The following BTRC variants were observed in gnomAD, a reference collection of about 807,000 sequenced individuals.
BTRC encodes the protein F-box/WD repeat-containing protein 1A.
BTRC carries 42 observed loss-of-function variants against 85.5 expected under a neutral mutation model. That is an observed-to-expected ratio of 0.49 (90% confidence interval 0.38 to 0.64). BTRC has a LOEUF of 0.64. BTRC is among the 30% of genes least tolerant of loss of function. The pLI is 0.00. For missense variants in BTRC, 594 were observed against 743.5 expected, an observed-to-expected ratio of 0.80 and a Z score of 2.34; for synonymous variants, 255 against 263.3, an observed-to-expected ratio of 0.97 and a Z score of 0.30.
chr10:101,550,815 AC>A lies in BTRC; in HGVS notation c.1780del (p.Arg594ValfsTer14), dbSNP rs774921343. ...TAAATGATCCAGCTGCCCAAGCTGA[AC>A]CCCCCCGTTCCCCTTCTCGAACATA... ...FLNDPAAQAE[P>X]PRSPSRTYTY... On this transcript the variant is annotated frameshift_variant, in exon 14 of 15. Coordinates refer to ENST00000370187, the MANE Select transcript of BTRC (RefSeq NM_033637.4). LOFTEE classifies it high-confidence loss of function. 6.8e-6 allele frequency: 11 copies of A among 1,613,628 alleles called. No individual in the cohort carries two copies. Among genetic ancestry groups the A allele is most frequent in the South Asian group, 5.5e-5 (5 of 91,038 alleles).
intron 1 of BTRC, among the ~76,000 whole-genome samples, chr10:101,396,142 G>C (rs1303318312): frequency 6.6e-6 from 1 of 151,288 alleles, no homozygotes; most frequent in Non-Finnish European, 1.5e-5. Flanking sequence ...GTACAACAAA[G>C]AGTCATAACA....
intron 1 of BTRC, among the ~76,000 whole-genome samples, chr10:101,385,615 C>CTTTTTTTTTTTTTTTTTTTTTT (rs146804594): frequency 2.0e-4 from 10 of 48,900 alleles, no homozygotes; most frequent in East Asian, 7.8e-4. Flanking sequence ...CTTTCTTCTT[C>CTTTTTTTTTTTTTTTTTTTTTT]TTCTTTTTTT....
chr10:101,433,957 GA>G (rs901330501), intron 2 of BTRC, among the ~76,000 whole-genome samples: 31 of 149,922 alleles, frequency 2.1e-4, no homozygotes, highest in Middle Eastern at 3.4e-3. Flanking sequence ...TAGGAATTAA[GA>G]AAAAAAAATT....
chr10:101,399,250 T>C (rs939427959), intron 1 of BTRC, among the ~76,000 whole-genome samples: 1 of 151,184 alleles, frequency 6.6e-6, no homozygotes, highest in Non-Finnish European at 1.5e-5. Flanking sequence ...CCATCATGCC[T>C]ATCCAGAAAC....
At chr10:101,490,199 T>G (rs1418385975) in intron 4 of BTRC, among the ~76,000 whole-genome samples, 7 of 151,872 alleles carry the variant, frequency 4.6e-5, no homozygotes, top group Admixed American at 4.6e-4. Context: ...TTCCCTTCCT[T>G]CCTCCCTTCT....
chr10:101,496,648 T>G (rs1279445076), intron 4 of BTRC, among the ~76,000 whole-genome samples: 4 of 152,186 alleles, frequency 2.6e-5, no homozygotes, highest in Non-Finnish European at 5.9e-5. Flanking sequence ...TAGCTTTAAG[T>G]GTATTCACAT....
intron 13 of BTRC, among the ~76,000 whole-genome samples, chr10:101,546,270 C>T (rs1214944189): frequency 2.0e-5 from 3 of 148,012 alleles, no homozygotes; most frequent in Non-Finnish European, 4.4e-5. Flanking sequence ...AATCATACAG[C>T]ATATGCTCTC....
At chr10:101,478,772 A>T (rs1945757564) in intron 3 of BTRC, among the ~76,000 whole-genome samples, 1 of 141,698 alleles carries the variant, frequency 7.1e-6, no homozygotes, top group Non-Finnish European at 1.6e-5. Context: ...ACAGAGTAAG[A>T]CCCTATCTCA....
chr10:101,522,804 CTGAGGTGTTACCTGGTGTAAGA>C (rs1329420934), intron 5 of BTRC, among the ~76,000 whole-genome samples: 24 of 152,126 alleles, frequency 1.6e-4, no homozygotes, highest in Admixed American at 1.3e-4. Flanking sequence ...AAAATCTTTT[CTGAGGTGTTACCTGGTGTAAGA>C]TGTGTCTTTT....
chr10:101,375,907 A>G (rs1942778489), intron 1 of BTRC, among the ~76,000 whole-genome samples: 1 of 152,166 alleles, frequency 6.6e-6, no homozygotes, highest in Non-Finnish European at 1.5e-5. Context: ...TATCTAGTCC[A>G]CTGTGTGCTG....
chr10:101,430,923 T>TA (rs1944385441), intron 2 of BTRC, among the ~76,000 whole-genome samples: 1 of 152,110 alleles, frequency 6.6e-6, no homozygotes, highest in Admixed American at 6.6e-5. Context: ...TAAGTATATA[T>TA]TTTTTATAAC....
intron 2 of BTRC, among the ~76,000 whole-genome samples, chr10:101,431,935 C>T (rs1209504639): frequency 6.6e-6 from 1 of 152,094 alleles, no homozygotes; most frequent in African/African-American, 2.4e-5. Context: ...TTAGCTAAAT[C>T]AAGTCTTGAA....
At position 101,479,433 on chromosome 10, in the gene BTRC, G is replaced by GAA; in HGVS notation, c.301_302dup (p.Thr102ArgfsTer18). 6.2e-7 allele frequency: 1 copy of GAA among 1,613,194 alleles called. No homozygotes were observed. The highest frequency in any genetic ancestry group is 8.5e-7 in the Non-Finnish European group (1 of 1,179,374). ...CAGTATGTTTAGCAAGCACTGCTATGAAGACTGAGAATTGTGTGGCCAAAG... is the reference window on the plus strand; with the variant it reads ...CAGTATGTTTAGCAAGCACTGCTATGAAAAGACTGAGAATTGTGTGGCCAAAG... On this transcript the variant is annotated frameshift_variant, in exon 4 of 15. Transcript: ENST00000370187. LOFTEE classifies it high-confidence loss of function.
intron 2 of BTRC, among the ~76,000 whole-genome samples, chr10:101,441,879 CAAAAAAAAAA>C (rs35543012): frequency 5.8e-5 from 5 of 85,746 alleles, no homozygotes; most frequent in Admixed American, 1.6e-4. Context: ...GAGACTGTCT[CAAAAAAAAAA>C]AAAAAAAAAA....
chr10:101,414,532 C>A, intron 1 of BTRC: 1 of 407,608 alleles, frequency 2.5e-6, no homozygotes, highest in Non-Finnish European at 4.8e-6. Flanking sequence ...GAGTGGGCTA[C>A]TTCTACTTAT....
chr10:101,549,666 A>G (rs2062616664), intron 13 of BTRC, among the ~76,000 whole-genome samples: 1 of 137,458 alleles, frequency 7.3e-6, no homozygotes, highest in South Asian at 2.6e-4. Context: ...GTGAGCTGAG[A>G]TGGCACCACT....
intron 2 of BTRC, among the ~76,000 whole-genome samples, chr10:101,438,558 G>C (rs1192819498): frequency 6.7e-6 from 1 of 150,200 alleles, no homozygotes. Context: ...AAACTTTTGT[G>C]TATGAATTTC....
At chr10:101,427,640 A>C (rs573064355) in intron 1 of BTRC, among the ~76,000 whole-genome samples, 174 of 151,106 alleles carry the variant, frequency 1.2e-3, no homozygotes, top group African/African-American at 4.0e-3. Flanking sequence ...CAGTCCTCCC[A>C]TCTCAGCCTC....
intron 3 of BTRC, among the ~76,000 whole-genome samples, chr10:101,466,869 C>A (rs915395445): frequency 6.6e-6 from 1 of 152,070 alleles, no homozygotes; most frequent in Non-Finnish European, 1.5e-5. Flanking sequence ...AAAATTCCTG[C>A]GTTCTAAACA....
Sources: allele counts gnomAD v4.1 joint callset (sites outside exome capture counted in the v4.1 genomes callset), GRCh38; gene constraint gnomAD v4.1.1; transcripts MANE v1.5; gene names NCBI Gene and HGNC (gene_info 2026-07-23, HGNC 2026-07-21).